Variants in INSR observed in about 807,000 individuals in gnomAD.
INSR encodes the protein IR.
INSR carries 67 observed loss-of-function variants against 142.6 expected under a neutral mutation model. The ratio of observed to expected loss-of-function variants is 0.47; its 90% CI spans 0.39 to 0.58. INSR has a LOEUF of 0.58. INSR is among the 20% of genes least tolerant of loss of function. INSR has a pLI of 0.00. For synonymous variants in INSR, 756 were observed against 743.1 expected (o/e 1.02, Z -0.28); for missense variants, 1,248 against 1,833.2 (o/e 0.68, Z 5.83).
rs372275564 is a variant in INSR, at chr19:7,166,380, G to A, written c.1635C>T (p.Phe545=). ...TGGAACCACACGCATCCTGCCCGTC[G>A]AACTCCGTCACATTCTGATAAGGGC... The part of the protein sequence containing the change: ...KEAPYQNVTE[F]DGQDACGSNS... The change falls in exon 8 of 22, where the codon TTC becomes TTT. Residue 545 remains phenylalanine, a synonymous_variant. Coordinates refer to ENST00000302850, the MANE Select transcript of INSR (RefSeq NM_000208.4). This position sits in a 1 kb window ranked among gnomAD's most constrained non-coding sequence, Gnocchi z 4.1. 16 of 1,613,832 alleles carry A rather than the reference G, an allele frequency of 9.9e-6. No individual in the cohort carries two copies. Among genetic ancestry groups the A allele is most frequent in the African/African-American group, 5.3e-5 (4 of 74,860 alleles).
intron 9 of INSR, among the ~76,000 whole-genome samples, chr19:7,161,923 C>T (rs562256163): frequency 6.6e-6 from 1 of 152,242 alleles, no homozygotes; most frequent in East Asian, 1.9e-4. Context: ...TGGCTCACGC[C>T]TGTAATCCCA....
At chr19:7,226,388 A>AGTG (rs1975781975) in intron 2 of INSR, among the ~76,000 whole-genome samples, 1 of 129,466 alleles carries the variant, frequency 7.7e-6, no homozygotes, top group African/African-American at 2.9e-5. Context: ...CCAGCCTGGC[A>AGTG]ACAGAGTGAG....
At chr19:7,170,814 G>A in intron 5 of INSR, 63 bp from the exon 6 acceptor site, 8 of 1,307,718 alleles carry the variant, frequency 6.1e-6, no homozygotes, top group Non-Finnish European at 8.9e-6. Context: ...CCAAGATGGT[G>A]TGGCCATGCT....
chr19:7,244,537 A>AG (rs1976470113), intron 2 of INSR, among the ~76,000 whole-genome samples: 1 of 152,028 alleles, frequency 6.6e-6, no homozygotes, highest in African/African-American at 2.4e-5. Context: ...TGTCTCAAAA[A>AG]GAAAAAAAAA....
chr19:7,153,245 G>GCCACA (rs1973467848), intron 9 of INSR, among the ~76,000 whole-genome samples: 2 of 72,556 alleles, frequency 2.8e-5, no homozygotes, highest in African/African-American at 6.1e-5. Context: ...CACCATACAC[G>GCCACA]CACCACACAC....
intron 2 of INSR, among the ~76,000 whole-genome samples, chr19:7,207,590 A>AC (rs1975139291): frequency 6.6e-6 from 1 of 151,562 alleles, no homozygotes; most frequent in African/African-American, 2.4e-5. Context: ...TCAAAAAACA[A>AC]CATGAGTTTC....
rs151246790 is a variant in INSR at position 7,142,996 on chromosome 19, C to T, written c.2362G>A (p.Val788Met). Residue 788 changes from valine to methionine, a missense_variant, in exon 12 of 22, where the codon GTG becomes ATG. This residue lies in a region of INSR where 1,069 missense variants were observed against 1,654.0 expected (regional missense o/e 0.65). Transcript: ENST00000302850. Reference protein sequence around the residue: ...AAFPNTSSTSVPTSPEEHRPF... With the variant: ...AAFPNTSSTSMPTSPEEHRPF... ...CTGTGCTCCTCCGGACTCGTGGGCA[C>T]GCTGGTCGAGGAAGTGTTGGGGAAA... 79 of 1,614,184 alleles carry T rather than the reference C, an allele frequency of 4.9e-5. No homozygotes were observed. Among genetic ancestry groups the T allele is most frequent in the Admixed American group, 6.7e-5 (4 of 60,018 alleles).
At chr19:7,122,516 T>G in intron 19 of INSR, 98 bp downstream of exon 19, 1 of 1,293,736 alleles carries the variant, frequency 7.7e-7, no homozygotes, top group Non-Finnish European at 1.1e-6. Context: ...CCCCTTTATA[T>G]TATCAGAAAA....
chr19:7,164,548 T>C (rs962247601), intron 8 of INSR, among the ~76,000 whole-genome samples: 1 of 148,444 alleles, frequency 6.7e-6, no homozygotes, highest in African/African-American at 2.5e-5. Flanking sequence ...CTGGGCGCGG[T>C]GGCTCATGCC....
rs886054676 is a variant in INSR at position 7,116,129 on chromosome 19, T to TC, written c.*926_*927insG. The TC allele has an allele frequency of 1.3e-5, 2 of 150,128 alleles. No homozygotes were observed. Among genetic ancestry groups the TC allele is most frequent in the Non-Finnish European group, 3.0e-5 (2 of 67,558 alleles). 9.3% of individuals were successfully genotyped at this position (150,128 alleles called of 1,614,324 possible). A position where few individuals can be genotyped will look rare whatever the true frequency, so the allele number is the denominator to read the frequency against. ...TTTTGTTTTTTCTTTCTTTTTCTTTTTTTTTTTTTAATGTCCTAGCTTGGT... is the reference window on the plus strand; with the variant it reads ...TTTTGTTTTTTCTTTCTTTTTCTTTTCTTTTTTTTTAATGTCCTAGCTTGGT... On this transcript the variant is annotated 3_prime_UTR_variant, in exon 22 of 22. Transcript: ENST00000302850.
At chr19:7,227,171 T>A (rs1306235679) in intron 2 of INSR, among the ~76,000 whole-genome samples, 1 of 152,224 alleles carries the variant, frequency 6.6e-6, no homozygotes, top group African/African-American at 2.4e-5. Flanking sequence ...TCAATAGGTT[T>A]GGTGTGAAAA....
At chr19:7,164,125 T>TTGAG (rs1365273194) in intron 8 of INSR, among the ~76,000 whole-genome samples, 3 of 147,558 alleles carry the variant, frequency 2.0e-5, no homozygotes, top group African/African-American at 5.0e-5. Flanking sequence ...AAGCTTGAAT[T>TTGAG]TGAGCCTACA....
intron 2 of INSR, among the ~76,000 whole-genome samples, chr19:7,228,349 GT>G (rs1975852701): frequency 6.6e-6 from 1 of 152,154 alleles, no homozygotes; most frequent in African/African-American, 2.4e-5. Flanking sequence ...GACAAATGTC[GT>G]TTATGTCTCT....
At chr19:7,173,612 CTTTTTTTT>C (rs953885301) in intron 4 of INSR, among the ~76,000 whole-genome samples, 2 of 61,480 alleles carry the variant, frequency 3.3e-5, no homozygotes, top group African/African-American at 8.7e-5. Flanking sequence ...CAGCGCCTGG[CTTTTTTTT>C]TTTTTTTTTT....
chr19:7,291,115 GAAA>G (rs1345067388), intron 1 of INSR, among the ~76,000 whole-genome samples: 1 of 151,868 alleles, frequency 6.6e-6, no homozygotes, highest in Non-Finnish European at 1.5e-5. Flanking sequence ...TTAATGATCT[GAAA>G]AGTTCTTTGC....
chr19:7,172,471 G>C (rs747744807), intron 4 of INSR, 37 bp from the exon 5 acceptor site: 5 of 1,606,324 alleles, frequency 3.1e-6, no homozygotes, highest in Admixed American at 1.7e-5. Flanking sequence ...GGTTTCTATA[G>C]ACATATTTCA....
intron 13 of INSR, among the ~76,000 whole-genome samples, chr19:7,135,345 C>T (rs1303797312): frequency 2.8e-4 from 24 of 85,118 alleles, no homozygotes; most frequent in African/African-American, 9.7e-4. Context: ...GACGGAGTTT[C>T]GCTCTTGTCA....
intron 2 of INSR, among the ~76,000 whole-genome samples, chr19:7,197,896 G>T (rs1974821817): frequency 7.0e-6 from 1 of 141,924 alleles, no homozygotes. Context: ...GCAGCCCCAG[G>T]ATTGGTCGGT....
chr19:7,234,071 AT>A (rs1029413080), intron 2 of INSR, among the ~76,000 whole-genome samples: 1 of 151,414 alleles, frequency 6.6e-6, no homozygotes, highest in South Asian at 2.1e-4. Flanking sequence ...TGTCCAGCTA[AT>A]TTTTTTTATT....
Sources: gnomAD v4.1 joint callset for allele counts (sites outside exome capture counted in the v4.1 genomes callset) on GRCh38, gnomAD v4.1.1 for gene constraint, gnomAD v4.1.1 regional missense constraint, Gnocchi (gnomAD v3.1) non-coding constraint, MANE v1.5 for transcripts, NCBI Gene and HGNC (gene_info 2026-07-23, HGNC 2026-07-21) for gene names.